Variants in TTF2 observed in about 807,000 individuals in gnomAD.
TTF2 encodes the protein RNA polymerase II termination factor.
TTF2 carries 108 observed loss-of-function variants against 142.4 expected under a neutral mutation model. The ratio of observed to expected loss-of-function variants is 0.76; its 90% confidence interval spans 0.65 to 0.89. The LOEUF (loss-of-function observed/expected upper bound fraction) is 0.89. Among genes scored for constraint, TTF2 ranks in the 40% least tolerant of loss-of-function variants. The probability of loss-of-function intolerance (pLI) is 0.00; values close to 1 mark genes in which losing one functional copy is unlikely to be tolerated. For synonymous variants in TTF2, 483 were observed against 506.2 expected, an observed-to-expected ratio of 0.95 and a Z score of 0.61; for missense variants, 1,327 against 1,379.8, an observed-to-expected ratio of 0.96 and a Z score of 0.61.
rs1183886618 is a variant in TTF2, at chr1:117,092,881, G to A, written c.2956G>A (p.Gly986Ser). The A allele has an allele frequency of 2.5e-6, 4 of 1,614,046 alleles. No individual in the cohort carries two copies. The Admixed American group carries it at 5.0e-5, about 20-fold the overall frequency. The change falls in exon 18 of 23, where the codon GGC (glycine) becomes AGC (serine). Residue 986 changes from glycine (G) to serine (S), a missense_variant. By Grantham distance (56) the Gly-to-Ser change is moderately conservative. Coordinates refer to ENST00000369466, the MANE Select transcript of TTF2 (RefSeq NM_003594.4). The surrounding 1 kb of genome is among the most constrained non-coding windows in gnomAD (Gnocchi z 4.4). Reference sequence around the variant, plus strand: ...CTTCTTCAAGATGGAGCTTTTTGAAGGCATGCGAGAGAGCACCAAGGTACT... The same window carrying A: ...CTTCTTCAAGATGGAGCTTTTTGAAAGCATGCGAGAGAGCACCAAGGTACT... Reference protein sequence around the residue: ...GTFFKMELFEGMRESTKISSL... With the variant: ...GTFFKMELFESMRESTKISSL...
At chr1:117,084,277 GA>G in intron 11 of TTF2, 109 bp downstream of exon 11, 1 of 1,368,266 alleles carries the variant, frequency 7.3e-7, no homozygotes, top group South Asian at 1.3e-5. Flanking sequence ...GCGTATTTGT[GA>G]AAGCCAAAGA....
At position 117,106,204 on chromosome 1, in the gene TTF2, A is replaced by G. The variant is rs1237476581; in HGVS notation, c.*4680A>G. The G allele has an allele frequency of 9.2e-5, 14 of 152,190 alleles. No homozygotes were observed. The highest frequency in any genetic ancestry group is 1.5e-5 in the Non-Finnish European group (1 of 68,032). The allele number at this position is 152,190 out of a possible 1,614,324, so 9.4% of individuals were successfully genotyped here. A position where few individuals can be genotyped will look rare whatever the true frequency, so the allele number is the denominator to read the frequency against. ...AGACTAAAATGTCTTCATAACTACA[A>G]ATGAAATCAGGGTCATTTATAGTAC... On this transcript the variant is annotated 3_prime_UTR_variant, in exon 23 of 23. Transcript: ENST00000369466.
Position 117,081,916 on chromosome 1 carries a change from A to G in TTF2, c.1872A>G (p.Lys624=). 1 of 1,614,204 alleles carries G rather than the reference A, an allele frequency of 6.2e-7. No individual in the cohort carries two copies. Among genetic ancestry groups the G allele is most frequent in the Non-Finnish European group, 8.5e-7 (1 of 1,180,018 alleles). ...KNQEKKEEKE[K]STALTWLSKD... is the part of the protein sequence containing the mutation. ...AAGAGAAAAAGGAAGAAAAGGAGAA[A>G]AGCACAGCTTTGACGTGGCTCTCCA... is the stretch of plus-strand genomic sequence containing the variant. The change falls in exon 10 of 23, where the codon AAA becomes AAG. Residue 624 remains lysine (K), a synonymous_variant. Transcript: ENST00000369466.
In TTF2 at chr1:117,080,008, CT is replaced by C. The variant is rs544511918; in HGVS notation, c.1783+377del. On this transcript the variant is annotated intron_variant, in intron 9 of 22. Coordinates refer to ENST00000369466, the MANE Select transcript of TTF2 (RefSeq NM_003594.4). The surrounding 1 kb of genome is among the most constrained non-coding windows in gnomAD (Gnocchi z 4.3). ...ACAAACAGCAGTCTATTGCCTCCCT[CT>C]TTTTTTTTTTTTTTTTTGAGATGGA... Among the ~76,000 whole-genome samples the C allele has an allele frequency of 3.7e-3, 519 of 138,932 alleles. 2 individuals carry two copies. Among genetic ancestry groups the C allele is most frequent in the African/African-American group, 8.8e-3 (336 of 38,074 alleles). The allele number at this position is 138,932 out of a possible 152,430, so 91.1% of individuals were successfully genotyped here.
Position 117,070,019 on chromosome 1 carries a change from C to T in TTF2, c.219-3642C>T, listed in dbSNP as rs1187359942. Among the ~76,000 whole-genome samples the T allele has an allele frequency of 6.6e-6, 1 of 152,168 alleles. No homozygotes were observed. Among genetic ancestry groups the T allele is most frequent in the Non-Finnish European group, 1.5e-5 (1 of 68,022 alleles). The stretch of plus-strand genomic sequence containing the variant: ...TTCCACTGCATTCTTTGTTGATTTA[C>T]AATATAATAAAACGTAACAAACAAA... On this transcript the variant is annotated intron_variant, in intron 3 of 22. Transcript: ENST00000369466. The surrounding 1 kb of genome is among the most constrained non-coding windows in gnomAD (Gnocchi z 4.2).
chr1:117,060,673 G>A, intron 2 of TTF2, 116 bp downstream of exon 2: 8 of 1,031,180 alleles, frequency 7.8e-6, no homozygotes, highest in Non-Finnish European at 1.1e-5. Context: ...CCTAGTTTGC[G>A]GTGTCAGGAC....
intron 18 of TTF2, 106 bp from the exon 19 acceptor site, chr1:117,095,203 G>A (rs912170213): frequency 3.5e-5 from 36 of 1,020,748 alleles, no homozygotes; most frequent in African/African-American, 6.4e-5. Flanking sequence ...GACAGGTGAG[G>A]CCAGAGCACA....
chr1:117,076,680 G>A lies in TTF2; in HGVS notation c.1430G>A (p.Ser477Asn), dbSNP rs370738356. Residue 477 changes from serine to asparagine, a missense_variant, in exon 7 of 23, where the codon AGT (serine) becomes AAT (asparagine). Ser to Asn is a conservative substitution (Grantham distance 46). Coordinates refer to ENST00000369466, the MANE Select transcript of TTF2 (RefSeq NM_003594.4). The surrounding 1 kb of genome is among the most constrained non-coding windows in gnomAD (Gnocchi z 4.6). ...EKSNSQVPQQSHFTKTTTGPP... is the reference protein window; with the variant it reads ...EKSNSQVPQQNHFTKTTTGPP... ...AGTAACAGTCAAGTACCACAGCAGA[G>A]TCACTTCACCAAAACTACCACTGGC... is the stretch of plus-strand genomic sequence containing the variant. 1 of 1,613,756 alleles carries A rather than the reference G, an allele frequency of 6.2e-7. No homozygotes were observed. The highest frequency in any genetic ancestry group is 8.5e-7 in the Non-Finnish European group (1 of 1,179,804).
chr1:117,101,554 C>T lies in TTF2; in HGVS notation c.*30C>T. The T allele has an allele frequency of 6.5e-7, 1 of 1,539,880 alleles. No homozygotes were observed. The highest frequency in any genetic ancestry group is 8.7e-7 in the Non-Finnish European group (1 of 1,151,366). On this transcript the variant is annotated 3_prime_UTR_variant, in exon 23 of 23. Transcript: ENST00000369466. The surrounding 1 kb of genome is among the most constrained non-coding windows in gnomAD (Gnocchi z 5.9). ...CTGTGGATAAGGGCTCAGAATAGCACCATTGCTGGTTTGTATTAGGATCTG... is the reference window on the plus strand; with the variant it reads ...CTGTGGATAAGGGCTCAGAATAGCATCATTGCTGGTTTGTATTAGGATCTG...
intron 11 of TTF2, among the ~76,000 whole-genome samples, chr1:117,084,495 C>G (rs1442461382): frequency 1.3e-5 from 2 of 152,172 alleles, no homozygotes; most frequent in African/African-American, 4.8e-5. Flanking sequence ...AGTTCTGATT[C>G]CAGGTGTACA....
Position 117,106,428 on chromosome 1 carries a change from G to A in TTF2, c.*4904G>A, listed in dbSNP as rs909972327. The stretch of plus-strand genomic sequence containing the variant: ...AATAGGTAGAGACTACTTCAGAAAG[G>A]ATGAGACTATTTTCTTGCTTAATTA... On this transcript the variant is annotated 3_prime_UTR_variant, in exon 23 of 23. Transcript: ENST00000369466. The A allele has an allele frequency of 6.6e-6, 1 of 152,206 alleles. No individual in the cohort carries two copies. Among genetic ancestry groups the A allele is most frequent in the Non-Finnish European group, 1.5e-5 (1 of 68,046 alleles). 9.4% of individuals were successfully genotyped at this position (152,206 alleles called of 1,614,324 possible).
In TTF2 at chr1:117,087,736, C is replaced by G. The variant is rs1283198362; in HGVS notation, c.2161-1065C>G. The stretch of plus-strand genomic sequence containing the variant: ...GCTCTGTCACAGTGTTGTGTCTGTT[C>G]TCCCTCCGAATGAAACGCTTTGCCT... On this transcript the variant is annotated intron_variant, in intron 12 of 22. Coordinates refer to ENST00000369466, the MANE Select transcript of TTF2 (RefSeq NM_003594.4). This position sits in a 1 kb window ranked among gnomAD's most constrained non-coding sequence, Gnocchi z 4.8. Among the ~76,000 whole-genome samples the G allele has an allele frequency of 1.3e-5, 2 of 152,206 alleles. No individual in the cohort carries two copies. The highest frequency in any genetic ancestry group is 3.8e-4 in the East Asian group (2 of 5,200).
Position 117,090,760 on chromosome 1 carries a change from T to C in TTF2, c.2588+137T>C. On this transcript the variant is annotated intron_variant, in intron 15 of 22. Transcript: ENST00000369466. This position sits in a 1 kb window ranked among gnomAD's most constrained non-coding sequence, Gnocchi z 4.8. ...GGATGTCTGTATTCCCTTTTTTTTT[T>C]TACCCCATTTTTCTCCTTCTCCCCT... 1.3e-6 allele frequency: 1 copy of C among 762,306 alleles called. No individual in the cohort carries two copies. The allele number at this position is 762,306 out of a possible 1,614,324, so 47.2% of individuals were successfully genotyped here.
intron 3 of TTF2, among the ~76,000 whole-genome samples, chr1:117,069,194 C>A (rs1205819947): frequency 6.6e-6 from 1 of 152,076 alleles, no homozygotes; most frequent in African/African-American, 2.4e-5. Flanking sequence ...CAGAGCTGGA[C>A]CATGTAAAGA....
intron 10 of TTF2, among the ~76,000 whole-genome samples, chr1:117,083,662 G>A (rs1647742387): frequency 6.6e-6 from 1 of 152,116 alleles, no homozygotes; most frequent in African/African-American, 2.4e-5. Flanking sequence ...CTTTCTGCCT[G>A]TACTTTTAGT....
In TTF2 at chr1:117,090,059, C is replaced by T. The variant is rs1472703643; in HGVS notation, c.2347C>T (p.Leu783Phe). ...CCTTCTTCCTCAACAAAAAAGGTTT[C>T]TCCGTTGCTCTCCATTTGATGAGTT... is the stretch of plus-strand genomic sequence containing the variant. ...LLDMYSLLKF[L>F]RCSPFDEFNL... The change falls in exon 14 of 23, where the codon CTC (leucine) becomes TTC (phenylalanine). Residue 783 changes from leucine to phenylalanine, a missense_variant. By Grantham distance (22) the Leu-to-Phe change is conservative. Coordinates refer to ENST00000369466, the MANE Select transcript of TTF2 (RefSeq NM_003594.4). The surrounding 1 kb of genome is among the most constrained non-coding windows in gnomAD (Gnocchi z 4.8). 6 of 1,612,994 alleles carry T rather than the reference C, an allele frequency of 3.7e-6. No homozygotes were observed. Among genetic ancestry groups the T allele is most frequent in the South Asian group, 1.1e-5 (1 of 90,816 alleles).
rs1441842660 is a variant in TTF2 at position 117,073,749 on chromosome 1, T to A, written c.285+22T>A. 6.2e-7 allele frequency: 1 copy of A among 1,609,104 alleles called. No homozygotes were observed. The highest frequency in any genetic ancestry group is 2.2e-5 in the East Asian group (1 of 44,788). On this transcript the variant is annotated intron_variant, in intron 4 of 22. Transcript: ENST00000369466. The surrounding 1 kb of genome is among the most constrained non-coding windows in gnomAD (Gnocchi z 4.4). ...GCAGGTAGGAATTATTCATCTGTTT[T>A]CAAACCTGCTGTGTTAAGACTTTTA...
chr1:117,090,695 G>T lies in TTF2; in HGVS notation c.2588+72G>T. ...TGTCTTTTCTTGGGAGTGAGTTGAA[G>T]GTCAAATTTCCACAAACTTTATGGC... On this transcript the variant is annotated intron_variant, in intron 15 of 22. Coordinates refer to ENST00000369466, the MANE Select transcript of TTF2 (RefSeq NM_003594.4). The surrounding 1 kb of genome is among the most constrained non-coding windows in gnomAD (Gnocchi z 4.8). 1 of 1,317,874 alleles carries T rather than the reference G, an allele frequency of 7.6e-7. No individual in the cohort carries two copies. Among genetic ancestry groups the T allele is most frequent in the African/African-American group, 1.5e-5 (1 of 67,214 alleles). The allele number at this position is 1,317,874 out of a possible 1,614,324, so 81.6% of individuals were successfully genotyped here.
At position 117,093,743 on chromosome 1, in the gene TTF2, A is replaced by C. The variant is rs1376559773; in HGVS notation, c.2976+842A>C. The stretch of plus-strand genomic sequence containing the variant: ...CCAGAACACACATGCTAGTGCCTTC[A>C]GAGTGAGCTATTGGGCTAAAATTTA... On this transcript the variant is annotated intron_variant, in intron 18 of 22. Transcript: ENST00000369466. This position sits in a 1 kb window ranked among gnomAD's most constrained non-coding sequence, Gnocchi z 4.5. 6.6e-6 allele frequency among the ~76,000 whole-genome samples: 1 copy of C among 152,244 alleles called. No homozygotes were observed. The highest frequency in any genetic ancestry group is 1.5e-5 in the Non-Finnish European group (1 of 68,032).
Sources: allele counts gnomAD v4.1 joint callset (sites outside exome capture counted in the v4.1 genomes callset), GRCh38; gene constraint gnomAD v4.1.1; non-coding constraint Gnocchi (gnomAD v3.1); transcripts MANE v1.5; gene names NCBI Gene and HGNC (gene_info 2026-07-23, HGNC 2026-07-21).